The following PIGN variants were observed in gnomAD, a reference collection of about 807,000 sequenced individuals.
PIGN encodes phosphatidylinositol glycan anchor biosynthesis class N.
PIGN carries 117 observed loss-of-function variants against 125.4 expected under a neutral mutation model. That is an observed-to-expected ratio of 0.93 (90% CI 0.80 to 1.09). The LOEUF is 1.09. Ranked by LOEUF, PIGN falls within the 50% of genes least tolerant of loss-of-function variation. PIGN has a pLI of 0.00. For missense variants in PIGN, 1,075 were observed against 1,094.9 expected, an observed-to-expected ratio of 0.98 and a Z score of 0.26; for synonymous variants, 392 against 377.8, an observed-to-expected ratio of 1.04 and a Z score of -0.44.
rs531773735 is a variant in PIGN, at chr18:62,138,850, A to G, written c.1116+133T>C. ...CTTCAGAAATGTGAAACACAAGTCA[A>G]ATACATAAAATTTAAAGGTAAATTA... On this transcript the variant is annotated intron_variant, in intron 13 of 30. Transcript: ENST00000640252. The G allele has an allele frequency of 2.4e-4, 137 of 568,196 alleles. 1 individual carries two copies. In the East Asian group the frequency reaches 4.0e-3, roughly 16 times the overall value. 35.2% of individuals were successfully genotyped at this position (568,196 alleles called of 1,614,324 possible).
intron 14 of PIGN, among the ~76,000 whole-genome samples, chr18:62,127,577 T>G (rs1489138693): frequency 6.6e-6 from 1 of 152,202 alleles, no homozygotes; most frequent in African/African-American, 2.4e-5. Context: ...AAACAGTGCC[T>G]TGCATACACT....
Position 62,115,781 on chromosome 18 carries a change from T to C in PIGN, c.1173-1142A>G, listed in dbSNP as rs544913902. The stretch of plus-strand genomic sequence containing the variant: ...ATTCATAAACCCAGAAGCTTATCTA[T>C]GAACTCTCTCAGAGTTCTATGGGAT... On this transcript the variant is annotated intron_variant, in intron 14 of 30. Coordinates refer to ENST00000640252, the MANE Select transcript of PIGN (RefSeq NM_176787.5). Among the ~76,000 whole-genome samples the C allele has an allele frequency of 9.2e-5, 14 of 152,272 alleles. No individual in the cohort carries two copies. In the East Asian group the frequency reaches 1.5e-3, roughly 17 times the overall value.
chr18:62,120,488 G>C (rs1362692437), intron 14 of PIGN, among the ~76,000 whole-genome samples: 1 of 152,020 alleles, frequency 6.6e-6, no homozygotes, highest in Non-Finnish European at 1.5e-5. Context: ...AGAGCAAAAG[G>C]CACAGTGAAT....
At chr18:62,167,275 TAG>T (rs2037174249) in intron 1 of PIGN, among the ~76,000 whole-genome samples, 1 of 145,546 alleles carries the variant, frequency 6.9e-6, no homozygotes, top group Non-Finnish European at 1.5e-5. Flanking sequence ...TAGAGATATA[TAG>T]AGATATATAT....
rs573482742 is a variant in PIGN, at chr18:62,130,862, A to G, written c.1172+7381T>C. On this transcript the variant is annotated intron_variant, in intron 14 of 30. Coordinates refer to ENST00000640252, the MANE Select transcript of PIGN (RefSeq NM_176787.5). The stretch of plus-strand genomic sequence containing the variant: ...AAATATTTTAAGAGTATAAAGACAG[A>G]GAAAGCAGGATAAAAAGTTATTTCT... Among the ~76,000 whole-genome samples, 106 of 152,298 alleles carry G rather than the reference A, an allele frequency of 7.0e-4. 3 individuals are homozygous for G. The South Asian group carries it at 0.021, about 30-fold the overall frequency.
rs540494672 is a variant in PIGN, at chr18:62,167,742, T to C, written c.-235-4086A>G. 1.2e-3 allele frequency among the ~76,000 whole-genome samples: 188 copies of C among 151,842 alleles called. 1 individual carries two copies. Among genetic ancestry groups the C allele is most frequent in the African/African-American group, 4.4e-3 (184 of 41,440 alleles). ...CACACACACAATAGAAGTGTAGTGA[T>C]AACTTATTGTAGATAATATATTATG... is the stretch of plus-strand genomic sequence containing the variant. On this transcript the variant is annotated intron_variant, in intron 1 of 30. Transcript: ENST00000640252.
chr18:62,147,114 A>C lies in PIGN; in HGVS notation c.675-13T>G, dbSNP rs1376661764. The C allele has an allele frequency of 6.3e-7, 1 of 1,582,298 alleles. No homozygotes were observed. The highest frequency in any genetic ancestry group is 8.6e-7 in the Non-Finnish European group (1 of 1,161,820). On this transcript the variant is annotated splice_polypyrimidine_tract_variant and intron_variant, in intron 8 of 30. Transcript: ENST00000640252. ...GTGCTTGTAGTCTCTATTTGTAAAG[A>C]AACAGAGGAACAAATTAAATTAATT...
intron 30 of PIGN, chr18:62,072,229 G>A (rs2032920746): frequency 6.6e-6 from 1 of 152,098 alleles, no homozygotes; most frequent in African/African-American, 2.4e-5. Context: ...TATATAATGT[G>A]TTTGTGTGTT....
intron 28 of PIGN, among the ~76,000 whole-genome samples, chr18:62,079,780 C>T (rs1438026530): frequency 3.4e-5 from 5 of 147,464 alleles, no homozygotes; most frequent in Non-Finnish European, 7.5e-5. Context: ...ACAAATAACA[C>T]AAAAAGTTTC....
chr18:62,102,624 T>G (rs968935355), intron 21 of PIGN, among the ~76,000 whole-genome samples, 170 bp downstream of exon 21: 4 of 151,980 alleles, frequency 2.6e-5, no homozygotes, highest in Admixed American at 6.6e-5. Context: ...ATTTCATACC[T>G]CTTAAAGAAC....
chr18:62,039,155 A>G (rs2030300778), downstream of PIGN, among the ~76,000 whole-genome samples: 1 of 151,988 alleles, frequency 6.6e-6, no homozygotes. Context: ...TAATGCATTT[A>G]TGTAAAATTA....
intron 30 of PIGN, among the ~76,000 whole-genome samples, chr18:62,055,752 T>C (rs1023398040): frequency 5.9e-5 from 9 of 151,908 alleles, no homozygotes; most frequent in African/African-American, 2.2e-4. Context: ...TTTTTTTAGT[T>C]CACAGGCTGT....
intron 23 of PIGN, among the ~76,000 whole-genome samples, chr18:62,091,728 G>T (rs2033970783): frequency 6.6e-6 from 1 of 152,148 alleles, no homozygotes; most frequent in Admixed American, 6.5e-5. Flanking sequence ...TTTCCGCTTT[G>T]TCTGGGGTAA....
intron 23 of PIGN, among the ~76,000 whole-genome samples, chr18:62,024,982 A>G (rs1734522985): frequency 6.6e-6 from 1 of 152,232 alleles, no homozygotes; most frequent in South Asian, 2.1e-4. Flanking sequence ...TCTTATGGGT[A>G]CAAGTAGGAG....
chr18:62,129,594 T>C (rs758771419), intron 14 of PIGN, among the ~76,000 whole-genome samples: 1 of 152,194 alleles, frequency 6.6e-6, no homozygotes, highest in Non-Finnish European at 1.5e-5. Flanking sequence ...TCATAATACA[T>C]TGAATTATCC....
At chr18:62,023,296 A>G (rs2030075840) in intron 23 of PIGN, among the ~76,000 whole-genome samples, 1 of 152,212 alleles carries the variant, frequency 6.6e-6, no homozygotes, top group Non-Finnish European at 1.5e-5. Context: ...GGATCTGCCA[A>G]TTCAGGATAT....
intron 8 of PIGN, 126 bp from the exon 9 acceptor site, chr18:62,147,227 T>C: frequency 8.2e-7 from 1 of 1,226,740 alleles, no homozygotes; most frequent in African/African-American, 1.5e-5. Flanking sequence ...TTTAATATTT[T>C]AAAATCAGAG....
At chr18:62,086,140 A>T (rs1294653657) in intron 25 of PIGN, among the ~76,000 whole-genome samples, 1 of 152,210 alleles carries the variant, frequency 6.6e-6, no homozygotes, top group African/African-American at 2.4e-5. Flanking sequence ...GTCTCAAAAT[A>T]CTCAAATGGT....
At chr18:62,161,752 A>T (rs2036960111) in intron 3 of PIGN, among the ~76,000 whole-genome samples, 1 of 152,236 alleles carries the variant, frequency 6.6e-6, no homozygotes, top group Non-Finnish European at 1.5e-5. Context: ...GTCAAATCCT[A>T]CAAAAAGAAA....
Sources: allele counts gnomAD v4.1 joint callset (sites outside exome capture counted in the v4.1 genomes callset), GRCh38; gene constraint gnomAD v4.1.1; transcripts MANE v1.5; gene names NCBI Gene and HGNC (gene_info 2026-07-23, HGNC 2026-07-21).